Variants in PKNOX2 observed in about 807,000 individuals in gnomAD.
The protein encoded by PKNOX2 is PBX/knotted 1 homeobox 2.
A neutral mutation model predicts 53.1 loss-of-function variants in PKNOX2; 14 were observed. The observed-to-expected ratio is 0.26, with a 90% CI of 0.17 to 0.41. The LOEUF is 0.41. Among genes scored for constraint, PKNOX2 ranks in the 10% least tolerant of loss-of-function variants. The probability of loss-of-function intolerance (pLI) is 1.00; values close to 1 mark genes in which losing one functional copy is unlikely to be tolerated. For synonymous variants in PKNOX2, 257 were observed against 242.8 expected (o/e 1.06, Z -0.54); for missense variants, 496 against 602.8 (o/e 0.82, Z 1.85).
At chr11:125,257,896 A>C (rs1311594446) in intron 2 of PKNOX2, among the ~76,000 whole-genome samples, 2 of 152,154 alleles carry the variant, frequency 1.3e-5, no homozygotes, top group African/African-American at 2.4e-5. Context: ...AGTAGGAAGC[A>C]CTTTCCCTAT....
chr11:125,201,164 A>G (rs1265302732), intron 1 of PKNOX2, among the ~76,000 whole-genome samples: 1 of 152,134 alleles, frequency 6.6e-6, no homozygotes, highest in Non-Finnish European at 1.5e-5. Context: ...GCTGGGGCTG[A>G]ACCCAGATTG....
chr11:125,347,679 G>T (rs541742113), intron 3 of PKNOX2, among the ~76,000 whole-genome samples: 1 of 152,072 alleles, frequency 6.6e-6, no homozygotes, highest in Non-Finnish European at 1.5e-5. Flanking sequence ...TCTCTAAAAT[G>T]ACATTTTAGT....
chr11:125,267,244 C>A (rs772505523), intron 2 of PKNOX2, among the ~76,000 whole-genome samples: 1 of 152,186 alleles, frequency 6.6e-6, no homozygotes, highest in East Asian at 1.9e-4. Context: ...CAAACTCCTC[C>A]CCTTGTGCTC....
chr11:125,279,346 T>C (rs920085876), intron 2 of PKNOX2, among the ~76,000 whole-genome samples: 4 of 152,164 alleles, frequency 2.6e-5, no homozygotes, highest in Non-Finnish European at 4.4e-5. Flanking sequence ...CCTGCTTCCA[T>C]GAAGCTCAAA....
At chr11:125,392,110 A>G (rs922694200) in intron 6 of PKNOX2, among the ~76,000 whole-genome samples, 8 of 152,342 alleles carry the variant, frequency 5.3e-5, no homozygotes, top group Admixed American at 3.9e-4. Flanking sequence ...AGCCAATGGG[A>G]TATCAGACAT....
At chr11:125,390,506 G>A (rs866258058) in intron 6 of PKNOX2, among the ~76,000 whole-genome samples, 3 of 152,198 alleles carry the variant, frequency 2.0e-5, no homozygotes, top group South Asian at 2.1e-4. Flanking sequence ...TCCAGGTGAG[G>A]AAATTACAGC....
intron 1 of PKNOX2, among the ~76,000 whole-genome samples, chr11:125,216,402 G>T (rs1378323989): frequency 6.6e-6 from 1 of 152,176 alleles, no homozygotes; most frequent in African/African-American, 2.4e-5. Flanking sequence ...CACCCAGCAG[G>T]AAGAGGACAG....
At chr11:125,403,401 C>A (rs1954874361) in intron 7 of PKNOX2, among the ~76,000 whole-genome samples, 1 of 152,130 alleles carries the variant, frequency 6.6e-6, no homozygotes, top group Non-Finnish European at 1.5e-5. Context: ...TGTATTGGTC[C>A]AAGAAGAGCT....
intron 6 of PKNOX2, among the ~76,000 whole-genome samples, chr11:125,394,959 C>CAT (rs1555169805): frequency 1.3e-5 from 2 of 149,502 alleles, no homozygotes. Flanking sequence ...TACGTGCCCT[C>CAT]GTGTGTGTGT....
intron 2 of PKNOX2, among the ~76,000 whole-genome samples, chr11:125,251,926 T>C (rs1364692783): frequency 6.6e-6 from 1 of 152,144 alleles, no homozygotes; most frequent in Non-Finnish European, 1.5e-5. Context: ...ATTTGTTCTA[T>C]TGTCATTCAT....
intron 2 of PKNOX2, among the ~76,000 whole-genome samples, chr11:125,270,730 C>T (rs981938773): frequency 6.6e-6 from 1 of 152,222 alleles, no homozygotes; most frequent in Non-Finnish European, 1.5e-5. Flanking sequence ...AAACAATTGG[C>T]ACCCAGGCCC....
intron 2 of PKNOX2, among the ~76,000 whole-genome samples, chr11:125,297,719 A>G (rs4537770): frequency 0.2 from 30,705 of 152,016 alleles, 3,610 homozygotes; most frequent in African/African-American, 0.32. Flanking sequence ...TCCTGCATGC[A>G]TTATGCTATT....
chr11:125,383,022 A>G (rs1953359520), intron 5 of PKNOX2, among the ~76,000 whole-genome samples: 1 of 152,090 alleles, frequency 6.6e-6, no homozygotes, highest in Non-Finnish European at 1.5e-5. Flanking sequence ...TCGGGGAGAG[A>G]GTGTGCAGGG....
At chr11:125,341,685 G>A (rs921034847) in intron 3 of PKNOX2, among the ~76,000 whole-genome samples, 2 of 152,270 alleles carry the variant, frequency 1.3e-5, no homozygotes, top group African/African-American at 4.8e-5. Context: ...GTAGGCTTTG[G>A]AGCCAAGTGT....
intron 2 of PKNOX2, among the ~76,000 whole-genome samples, chr11:125,257,848 G>C (rs1944527135): frequency 6.6e-6 from 1 of 152,214 alleles, no homozygotes. Flanking sequence ...CGGAGGCTCA[G>C]GCCTGCCTCT....
rs370455840 is a variant in PKNOX2 at position 125,409,018 on chromosome 11, G to T, written c.589-1178G>T. 4.1e-4 allele frequency among the ~76,000 whole-genome samples: 63 copies of T among 152,240 alleles called. No individual in the cohort carries two copies. In the South Asian group the frequency reaches 6.8e-3, roughly 17 times the overall value. ...AGCATTTGAGCATGGGAATGTCGCC[G>T]AAATGGCCATTGGACCTGTTAACTG... On this transcript the variant is annotated intron_variant, in intron 7 of 12. Transcript: ENST00000298282.
chr11:125,385,795 T>G, intron 6 of PKNOX2, 73 bp downstream of exon 6: 1 of 1,517,318 alleles, frequency 6.6e-7, no homozygotes, highest in East Asian at 2.4e-5. Context: ...GCCCTAGAAA[T>G]GATCCTTTCA....
intron 5 of PKNOX2, among the ~76,000 whole-genome samples, chr11:125,384,228 A>G (rs772754317): frequency 6.6e-6 from 1 of 152,246 alleles, no homozygotes; most frequent in Non-Finnish European, 1.5e-5. Context: ...ACATATAGTG[A>G]TAAATAAGGT....
At chr11:125,263,687 C>G (rs1037935817) in intron 2 of PKNOX2, among the ~76,000 whole-genome samples, 1 of 152,208 alleles carries the variant, frequency 6.6e-6, no homozygotes, top group Non-Finnish European at 1.5e-5. Context: ...TATCTCAGTC[C>G]GGTCTTCGCA....
Sources: gnomAD v4.1 joint callset for allele counts (sites outside exome capture counted in the v4.1 genomes callset) on GRCh38, gnomAD v4.1.1 for gene constraint, MANE v1.5 for transcripts, NCBI Gene and HGNC (gene_info 2026-07-23, HGNC 2026-07-21) for gene names.